Variants in SECISBP2 observed in about 807,000 individuals in gnomAD.
The protein encoded by SECISBP2 is selenocysteine insertion sequence-binding protein 2.
Under a neutral mutation model 98.2 loss-of-function variants are expected in SECISBP2, and 96 were observed. The ratio of observed to expected loss-of-function variants is 0.98; its 90% CI spans 0.83 to 1.16. SECISBP2 has a LOEUF of 1.16. Among genes scored for constraint, SECISBP2 ranks in the 50% most tolerant of loss-of-function variants. The pLI, the probability that SECISBP2 is intolerant of heterozygous loss-of-function variation, is 0.00. For synonymous variants in SECISBP2, 407 were observed against 370.2 expected (o/e 1.10, Z -1.14); for missense variants, 1,046 against 1,022.9 (o/e 1.02, Z -0.31).
rs1038830800 is a variant in SECISBP2 at position 89,318,673 on chromosome 9, GC to G, written c.36+62del. The G allele has an allele frequency of 3.0e-6, 4 of 1,353,528 alleles. No homozygotes were observed. The Admixed American group carries it at 1.2e-4, about 40-fold the overall frequency. The allele number at this position is 1,353,528 out of a possible 1,614,324, so 83.8% of individuals were successfully genotyped here. On this transcript the variant is annotated intron_variant, in intron 1 of 16. Coordinates refer to ENST00000375807, the MANE Select transcript of SECISBP2 (RefSeq NM_024077.5). ...TCCGTCCGCCTGCCTCGCACTGGGG[GC>G]TCGGCCGGGCGGTGACGGGGCTGGT...
At chr9:89,337,431 C>T (rs1462746182) in intron 7 of SECISBP2, among the ~76,000 whole-genome samples, 1 of 152,196 alleles carries the variant, frequency 6.6e-6, no homozygotes, top group East Asian at 1.9e-4. Flanking sequence ...CTCTCCCATA[C>T]TTTTGATGCC....
At position 89,358,059 on chromosome 9, in the gene SECISBP2, C is replaced by A. The variant is rs550881820; in HGVS notation, c.2329C>A (p.Leu777Met). ...VAARQAYKTMLENVQQELVGE... is the reference protein window; with the variant it reads ...VAARQAYKTMMENVQQELVGE... ...GGCCCGACAGGCGTACAAGACCATG[C>A]TGGAGAATGTGCAGCAGGAGCTGGT... The change falls in exon 16 of 17, where the codon CTG becomes ATG. Residue 777 changes from leucine to methionine, a missense_variant. Leu to Met is a conservative substitution (Grantham distance 15). Coordinates refer to ENST00000375807, the MANE Select transcript of SECISBP2 (RefSeq NM_024077.5). The A allele has an allele frequency of 1.2e-6, 2 of 1,613,800 alleles. No individual in the cohort carries two copies. Among genetic ancestry groups the A allele is most frequent in the Non-Finnish European group, 1.7e-6 (2 of 1,180,008 alleles).
Position 89,349,808 on chromosome 9 carries a change from C to G in SECISBP2, c.1771C>G (p.Pro591Ala). 6.2e-7 allele frequency: 1 copy of G among 1,614,196 alleles called. No individual in the cohort carries two copies. Among genetic ancestry groups the G allele is most frequent in the Non-Finnish European group, 8.5e-7 (1 of 1,180,038 alleles). ...PEGMDELIST[P>A]SVEDKSEEPP... ...GGGGATGGACGAACTGATCTCCACT[C>G]CTTCGGTTGAGGACAAGTCTGAAGA... Residue 591 changes from proline (P) to alanine (A), a missense_variant, in exon 13 of 17, where the codon CCT becomes GCT. Coordinates refer to ENST00000375807, the MANE Select transcript of SECISBP2 (RefSeq NM_024077.5).
the SECISBP2 span, among the ~76,000 whole-genome samples, chr9:89,366,336 T>C: frequency 2.3e-4 from 34 of 148,640 alleles, no homozygotes; most frequent in Non-Finnish European, 3.1e-4. Context: ...TCCAAACTTA[T>C]AACAAACAAG....
Position 89,348,106 on chromosome 9 carries a change from AAGC to A in SECISBP2, c.1634_1636del (p.Gln545del), listed in dbSNP as rs1411534071. 2.5e-6 allele frequency: 4 copies of A among 1,613,716 alleles called. No homozygotes were observed. Among genetic ancestry groups the A allele is most frequent in the Non-Finnish European group, 3.4e-6 (4 of 1,179,668 alleles). On this transcript the variant is annotated inframe_deletion, in exon 12 of 17. Coordinates refer to ENST00000375807, the MANE Select transcript of SECISBP2 (RefSeq NM_024077.5). The stretch of plus-strand genomic sequence containing the variant: ...TATTTTGAAAGAACGGCAAGAGAGA[AAGC>A]AGCGTCTCCAAGAAAATGCTGTGAG...
chr9:89,320,044 A>T (rs1825451803), intron 2 of SECISBP2, among the ~76,000 whole-genome samples: 1 of 152,132 alleles, frequency 6.6e-6, no homozygotes, highest in African/African-American at 2.4e-5. Flanking sequence ...TAGAGACTGC[A>T]TTGCATTTGT....
At chr9:89,358,245 T>C (rs1415561875) in intron 16 of SECISBP2, 54 bp downstream of exon 16, 1 of 1,545,156 alleles carries the variant, frequency 6.5e-7, no homozygotes, top group Non-Finnish European at 8.8e-7. Context: ...ATTTACTGAC[T>C]TTAATTAGGA....
chr9:89,344,122 A>G (rs1830094656), intron 10 of SECISBP2, among the ~76,000 whole-genome samples: 1 of 152,182 alleles, frequency 6.6e-6, no homozygotes. Flanking sequence ...ATGTCTCTTG[A>G]AAAGTGTCTG....
chr9:89,364,265 G>A, downstream of SECISBP2: 1 of 437,802 alleles, frequency 2.3e-6, no homozygotes, highest in Non-Finnish European at 4.2e-6. Context: ...AATGGTTCTG[G>A]GCCTTGGAAC....
At chr9:89,345,405 C>T (rs1269820983) in intron 10 of SECISBP2, among the ~76,000 whole-genome samples, 2 of 152,298 alleles carry the variant, frequency 1.3e-5, no homozygotes, top group East Asian at 1.9e-4. Flanking sequence ...CAAAGCAGAG[C>T]GGGGAGAGAC....
downstream of SECISBP2, among the ~76,000 whole-genome samples, chr9:89,363,168 T>C (rs1832978748): frequency 2.0e-5 from 3 of 152,224 alleles, no homozygotes. Context: ...CAGCCCCACC[T>C]GTGAGTCCCT....
chr9:89,350,012 C>A, intron 13 of SECISBP2, 83 bp downstream of exon 13: 1 of 1,520,050 alleles, frequency 6.6e-7, no homozygotes, highest in Non-Finnish European at 9.1e-7. Context: ...CCCATAAATC[C>A]TTGTTGCTGG....
At chr9:89,342,481 T>A (rs1210440579) in intron 10 of SECISBP2, among the ~76,000 whole-genome samples, 4 of 152,226 alleles carry the variant, frequency 2.6e-5, no homozygotes, top group Non-Finnish European at 1.5e-5. Context: ...CTGGGGTTTG[T>A]TATGGCATTA....
chr9:89,338,627 C>G lies in SECISBP2; in HGVS notation c.1212+47C>G, dbSNP rs1258817777. 3 of 1,581,250 alleles carry G rather than the reference C, an allele frequency of 1.9e-6. No individual in the cohort carries two copies. In the African/African-American group the frequency reaches 4.1e-5, roughly 22 times the overall value. ...ACATGGTGTGATATAATAAGTGGGT[C>G]TTTCTTAAAAGAAACTTGGGTTCAT... On this transcript the variant is annotated intron_variant, in intron 8 of 16. Transcript: ENST00000375807.
At chr9:89,347,078 C>G in intron 11 of SECISBP2, 30 bp downstream of exon 11, 2 of 1,607,694 alleles carry the variant, frequency 1.2e-6, no homozygotes, top group Non-Finnish European at 1.7e-6. Context: ...CGAAGTGAGG[C>G]ACTAGAAAAC....
rs772047604 is a variant in SECISBP2, at chr9:89,348,160, C to T, written c.1684C>T (p.Gln562Ter). ...VSPAFTSDDT[Q>*]DGESGGDDQF... ...TCCAGCTTTTACCAGTGATGACACA[C>T]AAGATGGAGAGAGTGGTGGTGATGA... The change falls in exon 12 of 17, where the codon CAA (glutamine) becomes TAA (stop). Residue 562 changes from glutamine to a stop codon, truncating the protein, a stop_gained. Coordinates refer to ENST00000375807, the MANE Select transcript of SECISBP2 (RefSeq NM_024077.5). LOFTEE classifies it high-confidence loss of function. The T allele has an allele frequency of 6.2e-7, 1 of 1,614,058 alleles. No homozygotes were observed. Among genetic ancestry groups the T allele is most frequent in the African/African-American group, 1.3e-5 (1 of 74,946 alleles).
chr9:89,349,994 T>G, intron 13 of SECISBP2, 65 bp downstream of exon 13: 2 of 1,573,670 alleles, frequency 1.3e-6, no homozygotes, highest in Non-Finnish European at 1.7e-6. Flanking sequence ...AGTATGGCAT[T>G]GATATCTCCC....
intron 14 of SECISBP2, among the ~76,000 whole-genome samples, chr9:89,352,950 C>G (rs1831508944): frequency 6.6e-6 from 1 of 151,576 alleles, no homozygotes; most frequent in African/African-American, 2.4e-5. Context: ...GTAGTTTGCT[C>G]TGTTTGTTTT....
chr9:89,350,374 GGGACCTGTGGCAAACTATGGTT>G (rs1831100353), intron 13 of SECISBP2, among the ~76,000 whole-genome samples: 1 of 152,216 alleles, frequency 6.6e-6, no homozygotes, highest in African/African-American at 2.4e-5. Context: ...GGCTGAGATG[GGGACCTGTGGCAAACTATGGTT>G]GGGCAGGGCC....
Sources: allele counts gnomAD v4.1 joint callset (sites outside exome capture counted in the v4.1 genomes callset), GRCh38; gene constraint gnomAD v4.1.1; transcripts MANE v1.5; gene names NCBI Gene and HGNC (gene_info 2026-07-23, HGNC 2026-07-21).